GMPR: variants seen among roughly 807,000 people sequenced by gnomAD.
The protein encoded by GMPR is GMP reductase 1.
In GMPR, 31 loss-of-function variants were observed where a neutral mutation model predicts 38.4. The ratio of observed to expected loss-of-function variants is 0.81; its 90% confidence interval spans 0.61 to 1.09. The LOEUF (loss-of-function observed/expected upper bound fraction) is 1.09. Among genes scored for constraint, GMPR ranks in the 50% least tolerant of loss-of-function variants. The probability of loss-of-function intolerance (pLI) is 0.00; values close to 1 mark genes in which losing one functional copy is unlikely to be tolerated. For missense variants in GMPR, 468 were observed against 453.7 expected (o/e 1.03, Z -0.29); for synonymous variants, 162 against 173.3 (o/e 0.93, Z 0.51).
chr6:16,290,424 C>A, intron 7 of GMPR, 38 bp from the exon 8 acceptor site: 1 of 1,600,330 alleles, frequency 6.2e-7, no homozygotes, highest in South Asian at 1.1e-5. Flanking sequence ...GAGCTGTTTT[C>A]TCTGCTACTC....
chr6:16,265,988 A>G (rs1759199516), intron 4 of GMPR, among the ~76,000 whole-genome samples: 1 of 152,280 alleles, frequency 6.6e-6, no homozygotes, highest in South Asian at 2.1e-4. Flanking sequence ...TGCAACCTTT[A>G]AGAGCTGTAA....
chr6:16,243,500 CT>C (rs1458584495), intron 1 of GMPR, among the ~76,000 whole-genome samples: 2 of 152,216 alleles, frequency 1.3e-5, no homozygotes, highest in Non-Finnish European at 2.9e-5. Context: ...GTATTCTTAC[CT>C]TTTAGCCAGC....
chr6:16,240,726 T>A lies in GMPR; in HGVS notation c.87+1946T>A, dbSNP rs140326579. Among the ~76,000 whole-genome samples, 396 of 152,346 alleles carry A rather than the reference T, an allele frequency of 2.6e-3. 3 individuals carry two copies. Among genetic ancestry groups the A allele is most frequent in the African/African-American group, 9.0e-3 (376 of 41,578 alleles). ...TCATGCAACACTTGGCTTCATAATT[T>A]GGGCAGATTGTAACTAATGTTCCAG... On this transcript the variant is annotated intron_variant, in intron 1 of 8. Coordinates refer to ENST00000259727, the MANE Select transcript of GMPR (RefSeq NM_006877.4).
At chr6:16,274,251 T>C (rs1298054984) in intron 4 of GMPR, among the ~76,000 whole-genome samples, 164 bp from the exon 5 acceptor site, 1 of 152,222 alleles carries the variant, frequency 6.6e-6, no homozygotes, top group Non-Finnish European at 1.5e-5. Context: ...CAAGGGGCCT[T>C]TCCCAAAAGT....
chr6:16,285,873 GA>G, intron 7 of GMPR, 38 bp downstream of exon 7: 1 of 1,545,524 alleles, frequency 6.5e-7, no homozygotes, highest in Non-Finnish European at 8.9e-7. Context: ...GGGAAGGAAG[GA>G]AGGAGGGAGC....
chr6:16,266,042 G>C (rs1039716604), intron 4 of GMPR, among the ~76,000 whole-genome samples: 1 of 151,982 alleles, frequency 6.6e-6, no homozygotes, highest in Non-Finnish European at 1.5e-5. Flanking sequence ...AAGTCAGTGA[G>C]ACCACGAACC....
intron 7 of GMPR, chr6:16,289,677 G>GTC (rs57461618): frequency 0.56 from 85,459 of 151,578 alleles, 27,066 homozygotes; most frequent in East Asian, 0.88. Flanking sequence ...CCTTGAAGCT[G>GTC]TCTAGTGTAG....
intron 4 of GMPR, chr6:16,264,674 AG>A (rs547655409): frequency 6.6e-6 from 1 of 152,214 alleles, no homozygotes; most frequent in Non-Finnish European, 1.5e-5. Flanking sequence ...TCTGGTGGGC[AG>A]AGTGGGGGTC....
chr6:16,276,231 G>A (rs1759469700), intron 5 of GMPR, among the ~76,000 whole-genome samples: 1 of 152,006 alleles, frequency 6.6e-6, no homozygotes, highest in Non-Finnish European at 1.5e-5. Flanking sequence ...GTGCAGTGGT[G>A]TGATCTCAGC....
At chr6:16,285,959 T>G in intron 7 of GMPR, 124 bp downstream of exon 7, 1 of 818,830 alleles carries the variant, frequency 1.2e-6, no homozygotes, top group Non-Finnish European at 2.0e-6. Context: ...TCCTGGAGGT[T>G]CCTCTCCCTG....
rs1285748170 is a variant in GMPR at position 16,290,513 on chromosome 6, A to C, written c.749A>C (p.Glu250Ala). Reference sequence around the variant, plus strand: ...GGAGGAATGTTTTCGGGTCATACGGAGTGTGCTGGAGAAGTGTTTGAGAGG... The same window carrying C: ...GGAGGAATGTTTTCGGGTCATACGGCGTGTGCTGGAGAAGTGTTTGAGAGG... ...MLGGMFSGHT[E>A]CAGEVFERNG... Residue 250 changes from glutamate (E) to alanine (A), a missense_variant, in exon 8 of 9, where the codon GAG (glutamate) becomes GCG (alanine). Coordinates refer to ENST00000259727, the MANE Select transcript of GMPR (RefSeq NM_006877.4). 6.2e-7 allele frequency: 1 copy of C among 1,613,922 alleles called. No individual in the cohort carries two copies. Among genetic ancestry groups the C allele is most frequent in the South Asian group, 1.1e-5 (1 of 91,076 alleles).
intron 1 of GMPR, among the ~76,000 whole-genome samples, chr6:16,241,074 A>G (rs1049715806): frequency 2.0e-5 from 3 of 152,118 alleles, no homozygotes; most frequent in Non-Finnish European, 4.4e-5. Context: ...CAGGCAGATA[A>G]AAACTTTTCC....
intron 1 of GMPR, among the ~76,000 whole-genome samples, chr6:16,242,944 C>T (rs1217724822): frequency 6.6e-6 from 1 of 151,806 alleles, no homozygotes; most frequent in Admixed American, 6.6e-5. Context: ...TTTATAAGAA[C>T]ATCAGTCATA....
At chr6:16,239,067 G>T (rs1758594213) in intron 1 of GMPR, among the ~76,000 whole-genome samples, 1 of 152,162 alleles carries the variant, frequency 6.6e-6, no homozygotes, top group African/African-American at 2.4e-5. Context: ...GTGGCCAGTT[G>T]GTTTAGAAGG....
In GMPR at chr6:16,267,541, T is replaced by A. The variant is rs571592560; in HGVS notation, c.466-6874T>A. ...TTCACTCCTGAAGTCAGCAAGACCA[T>A]GAACCCACCAGAAGGAAGAAACTCC... On this transcript the variant is annotated intron_variant, in intron 4 of 8. Transcript: ENST00000259727. Among the ~76,000 whole-genome samples, 4 of 152,172 alleles carry A rather than the reference T, an allele frequency of 2.6e-5. No homozygotes were observed. In the South Asian group the frequency reaches 8.3e-4, roughly 32 times the overall value.
chr6:16,266,140 TA>T (rs1759210789), intron 4 of GMPR, among the ~76,000 whole-genome samples: 1 of 126,370 alleles, frequency 7.9e-6, no homozygotes. Context: ...TTGCCATCTT[TA>T]AGAGCTGTAA....
intron 4 of GMPR, among the ~76,000 whole-genome samples, chr6:16,273,509 T>C (rs1027312003): frequency 6.6e-6 from 1 of 152,208 alleles, no homozygotes; most frequent in Admixed American, 6.5e-5. Flanking sequence ...ATTCTGCCAC[T>C]TCCTGGAGGC....
chr6:16,288,992 G>A (rs942589236), intron 7 of GMPR, among the ~76,000 whole-genome samples: 2 of 152,218 alleles, frequency 1.3e-5, no homozygotes, highest in Non-Finnish European at 2.9e-5. Context: ...GGATATGGGT[G>A]GGGCCAGATA....
chr6:16,271,696 C>T (rs1045868681), intron 4 of GMPR, among the ~76,000 whole-genome samples: 3 of 151,870 alleles, frequency 2.0e-5, no homozygotes, highest in African/African-American at 7.3e-5. Flanking sequence ...CTCCTGCCCC[C>T]ATTATAATTA....
Sources: allele counts gnomAD v4.1 joint callset (sites outside exome capture counted in the v4.1 genomes callset), GRCh38; gene constraint gnomAD v4.1.1; transcripts MANE v1.5; gene names NCBI Gene and HGNC (gene_info 2026-07-23, HGNC 2026-07-21).